The following EXPH5 variants were observed in gnomAD, a reference collection of about 807,000 sequenced individuals.
EXPH5 encodes exophilin 5.
Under a neutral mutation model 41.1 loss-of-function variants are expected in EXPH5, and 42 were observed. That is an observed-to-expected ratio of 1.02 (90% CI 0.80 to 1.32). The LOEUF is 1.32. Among genes scored for constraint, EXPH5 ranks in the 40% most tolerant of loss-of-function variants. The pLI is 0.00. For synonymous variants in EXPH5, 798 were observed against 833.5 expected, an observed-to-expected ratio of 0.96 and a Z score of 0.73; for missense variants, 2,298 against 2,314.5, an observed-to-expected ratio of 0.99 and a Z score of 0.15.
In EXPH5 at chr11:108,512,085, T is replaced by C; in HGVS notation, c.3422A>G (p.Lys1141Arg). Reference protein sequence around the residue: ...HASTGREGRKKPLTSGMDASE... With the variant: ...HASTGREGRKRPLTSGMDASE... ...AGCATCCATGCCTGAGGTCAATGGC[T>C]TTTTTCTTCCTTCTCTTCCAGTTGA... The change falls in exon 6 of 6, where the codon AAG becomes AGG. Residue 1141 changes from lysine to arginine, a missense_variant. Physicochemically the swap from Lys to Arg is conservative, Grantham distance 26. Coordinates refer to ENST00000265843, the MANE Select transcript of EXPH5 (RefSeq NM_015065.3). 3.1e-6 allele frequency: 5 copies of C among 1,612,780 alleles called. No individual in the cohort carries two copies. Among genetic ancestry groups the C allele is most frequent in the Non-Finnish European group, 4.2e-6 (5 of 1,179,592 alleles).
chr11:108,570,796 T>C (rs950072396), intron 1 of EXPH5, among the ~76,000 whole-genome samples: 2 of 152,212 alleles, frequency 1.3e-5, no homozygotes, highest in African/African-American at 2.4e-5. Context: ...TCCTCCTACC[T>C]TGACCTCCCA....
At chr11:108,545,014 AT>A (rs57345072) in intron 1 of EXPH5, among the ~76,000 whole-genome samples, 17 of 148,116 alleles carry the variant, frequency 1.1e-4, no homozygotes, top group Admixed American at 1.3e-4. Flanking sequence ...CTTTTCCATT[AT>A]TTTTTTTTTG....
chr11:108,542,024 C>T (rs2093915686), intron 1 of EXPH5, among the ~76,000 whole-genome samples: 1 of 152,026 alleles, frequency 6.6e-6, no homozygotes, highest in Non-Finnish European at 1.5e-5. Context: ...ACCACAGACG[C>T]ATACCACCAC....
At chr11:108,607,323 A>G in the EXPH5 span, among the ~76,000 whole-genome samples, 1 of 152,214 alleles carries the variant, frequency 6.6e-6, no homozygotes, top group Non-Finnish European at 1.5e-5. Flanking sequence ...TAAATGTCTT[A>G]TTATTTTTAG....
At position 108,513,151 on chromosome 11, in the gene EXPH5, T is replaced by G; in HGVS notation, c.2356A>C (p.Thr786Pro). The G allele has an allele frequency of 6.2e-7, 1 of 1,613,818 alleles. No homozygotes were observed. Among genetic ancestry groups the G allele is most frequent in the Non-Finnish European group, 8.5e-7 (1 of 1,179,954 alleles). The change falls in exon 6 of 6, where the codon ACA becomes CCA. Residue 786 changes from threonine (T) to proline (P), a missense_variant. Thr to Pro is a conservative substitution (Grantham distance 38). Transcript: ENST00000265843. ...KDTSKMYIPH[T>P]DKSNDIKQDK... is the part of the protein sequence containing the mutation. ...TGTTTAATGTCATTGGATTTATCTG[T>G]GTGCGGTATATACATTTTGGAGGTA...
chr11:108,511,121 A>G lies in EXPH5; in HGVS notation c.4386T>C (p.Cys1462=). ...RAIPFTGSGK[C]PQKDHTSTAV... is the part of the protein sequence containing the mutation. Reference sequence around the variant, plus strand: ...CTGTGGATGTGTGATCTTTCTGGGGACACTTGCCACTTCCAGTAAATGGAA... The same window carrying G: ...CTGTGGATGTGTGATCTTTCTGGGGGCACTTGCCACTTCCAGTAAATGGAA... Residue 1462 remains cysteine, a synonymous_variant, in exon 6 of 6, where the codon TGT becomes TGC. Coordinates refer to ENST00000265843, the MANE Select transcript of EXPH5 (RefSeq NM_015065.3). 1 of 1,613,848 alleles carries G rather than the reference A, an allele frequency of 6.2e-7. No individual in the cohort carries two copies. Among genetic ancestry groups the G allele is most frequent in the Non-Finnish European group, 8.5e-7 (1 of 1,179,892 alleles).
intron 4 of EXPH5, among the ~76,000 whole-genome samples, chr11:108,524,376 C>T (rs959859931): frequency 1.3e-4 from 20 of 152,144 alleles, no homozygotes; most frequent in African/African-American, 4.8e-4. Context: ...ACTTAGTAAT[C>T]CTTATTGTTG....
rs116191078 is a variant in EXPH5 at position 108,530,677 on chromosome 11, T to C, written c.444-2493A>G. On this transcript the variant is annotated intron_variant, in intron 3 of 5. Coordinates refer to ENST00000265843, the MANE Select transcript of EXPH5 (RefSeq NM_015065.3). ...GTCCGACACTCACCAGCTCACCAGG[T>C]ACCCCTTCTGATTTGGAGTGATGGC... 6.7e-3 allele frequency among the ~76,000 whole-genome samples: 1,015 copies of C among 152,280 alleles called. 8 individuals carry two copies. Among genetic ancestry groups the C allele is most frequent in the African/African-American group, 0.023 (963 of 41,548 alleles).
intron 1 of EXPH5, among the ~76,000 whole-genome samples, chr11:108,573,277 TC>T (rs1434203416): frequency 6.7e-6 from 1 of 148,160 alleles, no homozygotes; most frequent in Admixed American, 6.7e-5. Flanking sequence ...AGAAAAGGAG[TC>T]TACCACCCTA....
Position 108,511,541 on chromosome 11 carries a change from C to T in EXPH5, c.3966G>A (p.Gln1322=). Residue 1322 remains glutamine (Q), a synonymous_variant, in exon 6 of 6, where the codon CAG becomes CAA. Transcript: ENST00000265843. ...CAGTCATATTTTCAGTGGTGAGCGT[C>T]TGATCAGAGTTGACGGACATCTTTA... ...ENLKMSVNSD[Q]TLTTENMTAF... 6.2e-7 allele frequency: 1 copy of T among 1,611,250 alleles called. No individual in the cohort carries two copies. Among genetic ancestry groups the T allele is most frequent in the Non-Finnish European group, 8.5e-7 (1 of 1,179,212 alleles).
At chr11:108,603,155 T>C in the EXPH5 span, among the ~76,000 whole-genome samples, 3 of 152,210 alleles carry the variant, frequency 2.0e-5, no homozygotes. Context: ...CATGTGGAAC[T>C]GTGAGTCAAT....
chr11:108,566,355 G>T (rs144542458), intron 1 of EXPH5, among the ~76,000 whole-genome samples: 3 of 152,152 alleles, frequency 2.0e-5, no homozygotes, highest in Admixed American at 6.5e-5. Flanking sequence ...GTGCATGGAG[G>T]GGGGTGGTGG....
Position 108,509,395 on chromosome 11 carries a change from G to C in EXPH5, c.*142C>G, listed in dbSNP as rs2093661406. On this transcript the variant is annotated 3_prime_UTR_variant, in exon 6 of 6. Transcript: ENST00000265843. Reference sequence around the variant, plus strand: ...AGGAAGTGTCTATATAGGGTGTGGAGGAAAAAAAAGGAGATGTGGGACATT... The same window carrying C: ...AGGAAGTGTCTATATAGGGTGTGGACGAAAAAAAAGGAGATGTGGGACATT... 8.5e-6 allele frequency: 6 copies of C among 702,948 alleles called. No individual in the cohort carries two copies. The East Asian group carries it at 1.6e-4, about 19-fold the overall frequency. 43.5% of individuals were successfully genotyped at this position (702,948 alleles called of 1,614,324 possible).
At position 108,513,411 on chromosome 11, in the gene EXPH5, T is replaced by C. The variant is rs544866495; in HGVS notation, c.2096A>G (p.Asn699Ser). Residue 699 changes from asparagine (N) to serine (S), a missense_variant, in exon 6 of 6, where the codon AAT becomes AGT. Transcript: ENST00000265843. Reference sequence around the variant, plus strand: ...AATAGATTCATTTAAGTCTTTCTCATTATTTACTTCTGTGACCAAGATATT... The same window carrying C: ...AATAGATTCATTTAAGTCTTTCTCACTATTTACTTCTGTGACCAAGATATT... ...QPNILVTEVN[N>S]EKDLNESISE... 97 of 1,613,652 alleles carry C rather than the reference T, an allele frequency of 6.0e-5. 1 individual carries two copies. The South Asian group carries it at 1.1e-3, about 18-fold the overall frequency.
At chr11:108,561,535 C>A (rs2094011606) in intron 1 of EXPH5, among the ~76,000 whole-genome samples, 1 of 152,144 alleles carries the variant, frequency 6.6e-6, no homozygotes, top group African/African-American at 2.4e-5. Context: ...GGGAGTCTGT[C>A]CTACTCATAG....
At chr11:108,554,694 G>A (rs1032070210) in intron 1 of EXPH5, among the ~76,000 whole-genome samples, 2 of 152,156 alleles carry the variant, frequency 1.3e-5, no homozygotes, top group African/African-American at 2.4e-5. Context: ...GGCCAAGGTA[G>A]GTGAATCACT....
chr11:108,574,957 T>G, intron 1 of EXPH5, among the ~76,000 whole-genome samples: 1 of 152,220 alleles, frequency 6.6e-6, no homozygotes, highest in East Asian at 1.9e-4. Context: ...CTTAAACCAC[T>G]AAACCAGCTG....
At chr11:108,572,428 T>C (rs1490649571) in intron 1 of EXPH5, among the ~76,000 whole-genome samples, 2 of 152,230 alleles carry the variant, frequency 1.3e-5, no homozygotes, top group Non-Finnish European at 2.9e-5. Context: ...GGACCCTGAC[T>C]GATGTGCAGA....
intron 1 of EXPH5, among the ~76,000 whole-genome samples, chr11:108,564,008 G>A (rs1042566974): frequency 2.0e-5 from 3 of 152,160 alleles, no homozygotes; most frequent in African/African-American, 7.2e-5. Context: ...GGCTGCACAC[G>A]GTGGCTCATG....
Sources: gnomAD v4.1 joint callset for allele counts (sites outside exome capture counted in the v4.1 genomes callset) on GRCh38, gnomAD v4.1.1 for gene constraint, MANE v1.5 for transcripts, NCBI Gene and HGNC (gene_info 2026-07-23, HGNC 2026-07-21) for gene names.